The following C3orf20 variants were observed in gnomAD, a reference collection of about 807,000 sequenced individuals.
C3orf20 encodes the protein uncharacterized protein C3orf20.
A neutral mutation model predicts 88.3 loss-of-function variants in C3orf20; 76 were observed. The ratio of observed to expected loss-of-function variants is 0.86; its 90% CI spans 0.72 to 1.04. The LOEUF (loss-of-function observed/expected upper bound fraction) is 1.04, where lower values mean the gene tolerates loss of function less well. Ranked by LOEUF, C3orf20 falls within the 50% of genes least tolerant of loss-of-function variation. The pLI is 0.00. For synonymous variants in C3orf20, 436 were observed against 437.4 expected (o/e 1.00, Z 0.04); for missense variants, 1,056 against 1,123.3 (o/e 0.94, Z 0.86).
intron 12 of C3orf20, among the ~76,000 whole-genome samples, chr3:14,750,925 T>G (rs1214577463): frequency 1.3e-5 from 2 of 152,168 alleles, no homozygotes; most frequent in East Asian, 3.8e-4. Flanking sequence ...GGATTCCCAT[T>G]ATGTGTCTTG....
chr3:14,747,783 C>G (rs1036848553), intron 12 of C3orf20, among the ~76,000 whole-genome samples: 1 of 151,884 alleles, frequency 6.6e-6, no homozygotes, highest in African/African-American at 2.4e-5. Flanking sequence ...TCAGATTTGA[C>G]CTTTTTTTAA....
At chr3:14,727,055 A>T (rs753600113) in intron 11 of C3orf20, 31 bp downstream of exon 11, 1 of 1,613,354 alleles carries the variant, frequency 6.2e-7, no homozygotes, top group South Asian at 1.1e-5. Flanking sequence ...GCGAAGGCCT[A>T]TCTGTTGGCT....
intron 7 of C3orf20, among the ~76,000 whole-genome samples, chr3:14,712,449 A>G (rs745816535): frequency 2.6e-5 from 4 of 152,324 alleles, no homozygotes; most frequent in South Asian, 4.1e-4. Context: ...GTACTTTGTT[A>G]TGATAGCCCT....
intron 12 of C3orf20, among the ~76,000 whole-genome samples, chr3:14,731,384 G>A (rs1166982669): frequency 2.0e-5 from 3 of 152,118 alleles, no homozygotes; most frequent in African/African-American, 7.2e-5. Context: ...CCCACATTCA[G>A]AGATTAACTA....
At chr3:14,761,419 A>G (rs2035558294) in intron 14 of C3orf20, 54 bp from the exon 15 acceptor site, 1 of 1,607,572 alleles carries the variant, frequency 6.2e-7, no homozygotes, top group Admixed American at 1.7e-5. Context: ...TTATCAGTGG[A>G]CACTGCTGTG....
intron 1 of C3orf20, among the ~76,000 whole-genome samples, chr3:14,678,026 G>C (rs1046874912): frequency 1.3e-5 from 2 of 150,860 alleles, no homozygotes; most frequent in Non-Finnish European, 3.0e-5. Context: ...CTCTCACCTG[G>C]TCCTACCCTC....
intron 11 of C3orf20, among the ~76,000 whole-genome samples, chr3:14,728,229 A>G (rs2034420902): frequency 6.6e-6 from 1 of 152,176 alleles, no homozygotes; most frequent in Non-Finnish European, 1.5e-5. Flanking sequence ...ATTCATTCTT[A>G]CAACACAACA....
At chr3:14,767,847 G>A (rs1420210300) in intron 15 of C3orf20, among the ~76,000 whole-genome samples, 3 of 152,252 alleles carry the variant, frequency 2.0e-5, no homozygotes, top group Admixed American at 1.3e-4. Context: ...TGTGAGCCCC[G>A]TAAAGTGCTC....
intron 5 of C3orf20, among the ~76,000 whole-genome samples, chr3:14,694,502 T>A (rs530862128): frequency 6.6e-5 from 10 of 152,318 alleles, no homozygotes; most frequent in African/African-American, 2.2e-4. Flanking sequence ...GGACTAATGA[T>A]CCTTTGAATT....
At chr3:14,700,402 T>A (rs892565173) in intron 5 of C3orf20, among the ~76,000 whole-genome samples, 2 of 152,200 alleles carry the variant, frequency 1.3e-5, no homozygotes, top group African/African-American at 4.8e-5. Context: ...TTATTGTTAA[T>A]CTCTTAGGGT....
intron 12 of C3orf20, among the ~76,000 whole-genome samples, chr3:14,734,590 C>T (rs1460324222): frequency 6.6e-6 from 1 of 152,036 alleles, no homozygotes; most frequent in Non-Finnish European, 1.5e-5. Context: ...TTTGCTTAGA[C>T]TTGTTTTATG....
chr3:14,737,487 A>C (rs923352210), intron 12 of C3orf20, among the ~76,000 whole-genome samples: 1 of 152,250 alleles, frequency 6.6e-6, no homozygotes, highest in Non-Finnish European at 1.5e-5. Context: ...TTAAGTGTGC[A>C]ACAGCATTAC....
chr3:14,697,871 C>T (rs1575102755), intron 5 of C3orf20, among the ~76,000 whole-genome samples: 2 of 152,196 alleles, frequency 1.3e-5, no homozygotes, highest in East Asian at 3.9e-4. Context: ...ATCCATGTCC[C>T]TGCAAAGGAC....
At chr3:14,759,735 G>T (rs1461634422) in intron 13 of C3orf20, among the ~76,000 whole-genome samples, 156 bp from the exon 14 acceptor site, 1 of 152,164 alleles carries the variant, frequency 6.6e-6, no homozygotes, top group Middle Eastern at 3.2e-3. Context: ...AGGTGTGCAT[G>T]CAGGCCCAAG....
chr3:14,740,743 A>G lies in C3orf20; in HGVS notation c.1940+12055A>G, dbSNP rs147921009. ...GGTATTTTCTACTGACCTGTCTTCCAATTTACTCATGCTTTTTTTTAACTG... is the reference window on the plus strand; with the variant it reads ...GGTATTTTCTACTGACCTGTCTTCCGATTTACTCATGCTTTTTTTTAACTG... On this transcript the variant is annotated intron_variant, in intron 12 of 16. Transcript: ENST00000253697. 5.8e-3 allele frequency among the ~76,000 whole-genome samples: 879 copies of G among 151,888 alleles called. 9 individuals carry two copies. The highest frequency in any genetic ancestry group is 7.0e-3 in the Non-Finnish European group (477 of 67,950).
intron 15 of C3orf20, among the ~76,000 whole-genome samples, chr3:14,766,818 G>A (rs377242109): frequency 1.3e-5 from 2 of 152,178 alleles, no homozygotes; most frequent in East Asian, 3.9e-4. Flanking sequence ...GGGCGCCAGG[G>A]TAGCTGGAAG....
intron 5 of C3orf20, 51 bp downstream of exon 5, chr3:14,690,167 G>T (rs374982515): frequency 4.4e-5 from 71 of 1,611,738 alleles, no homozygotes; most frequent in South Asian, 1.4e-4. Flanking sequence ...GCGGTGGGGT[G>T]GGGGATAGGT....
intron 10 of C3orf20, among the ~76,000 whole-genome samples, chr3:14,724,451 T>C (rs140838958): frequency 7.9e-5 from 12 of 152,202 alleles, no homozygotes; most frequent in African/African-American, 2.6e-4. Context: ...GGAATTCAAG[T>C]CTTATTTTCT....
intron 12 of C3orf20, among the ~76,000 whole-genome samples, chr3:14,740,653 A>G (rs1236168428): frequency 6.6e-6 from 1 of 152,134 alleles, no homozygotes; most frequent in Non-Finnish European, 1.5e-5. Context: ...AACATGAAGT[A>G]TGTCTGTATT....
Sources: gnomAD v4.1 joint callset for allele counts (sites outside exome capture counted in the v4.1 genomes callset) on GRCh38, gnomAD v4.1.1 for gene constraint, MANE v1.5 for transcripts, NCBI Gene and HGNC (gene_info 2026-07-23, HGNC 2026-07-21) for gene names.